The following KCNQ1 variants were observed in gnomAD, a reference collection of about 807,000 sequenced individuals.
The protein encoded by KCNQ1 is potassium voltage-gated channel subfamily Q member 1, also known as potassium voltage-gated channel subfamily KQT member 1.
In KCNQ1, 49 loss-of-function variants were observed where a neutral mutation model predicts 72.4. The observed-to-expected ratio is 0.68, with a 90% CI of 0.54 to 0.86. The LOEUF is 0.86. KCNQ1 is among the 40% of genes least tolerant of loss of function. The probability of loss-of-function intolerance (pLI) is 0.00; values close to 1 mark genes in which losing one functional copy is unlikely to be tolerated. For missense variants in KCNQ1, 790 were observed against 945.1 expected, an observed-to-expected ratio of 0.84 and a Z score of 2.15; for synonymous variants, 450 against 412.6, an observed-to-expected ratio of 1.09 and a Z score of -1.10.
rs1380111617 is a variant in KCNQ1 at position 2,479,668 on chromosome 11, G to A, written c.386+34184G>A. On this transcript the variant is annotated intron_variant, in intron 1 of 15. Transcript: ENST00000155840. This position sits in a 1 kb window ranked among gnomAD's most constrained non-coding sequence, Gnocchi z 4.6. ...CTGGGATGGGAGGGGCTGCTCCTAA[G>A]GTCTCTGACATGCCCTGGAGACATT... 6.6e-6 allele frequency among the ~76,000 whole-genome samples: 1 copy of A among 152,200 alleles called. No homozygotes were observed. The highest frequency in any genetic ancestry group is 1.5e-5 in the Non-Finnish European group (1 of 68,032).
chr11:2,664,250 G>C lies in KCNQ1; in HGVS notation c.1514+2169G>C, dbSNP rs764527977. On this transcript the variant is annotated intron_variant, in intron 11 of 15. Transcript: ENST00000155840. This position sits in a 1 kb window ranked among gnomAD's most constrained non-coding sequence, Gnocchi z 5.1. ...GGTGAGGGATCTGAAGAGGGGACTG[G>C]GAGAGGGAAAAACAAGGAGGTTGCT... is the stretch of plus-strand genomic sequence containing the variant. 7.8e-5 allele frequency: 31 copies of C among 398,960 alleles called. No homozygotes were observed. The highest frequency in any genetic ancestry group is 1.4e-4 in the Non-Finnish European group (31 of 226,430). 24.7% of individuals were successfully genotyped at this position (398,960 alleles called of 1,614,324 possible).
At chr11:2,467,019 T>C (rs1243534261) in intron 1 of KCNQ1, among the ~76,000 whole-genome samples, 1 of 152,070 alleles carries the variant, frequency 6.6e-6, no homozygotes, top group Non-Finnish European at 1.5e-5. Flanking sequence ...TGTGGGAGCC[T>C]GAGGGAGTGC....
At chr11:2,791,871 G>A (rs1847032447) in intron 15 of KCNQ1, among the ~76,000 whole-genome samples, 1 of 152,240 alleles carries the variant, frequency 6.6e-6, no homozygotes, top group Admixed American at 6.5e-5. Context: ...TTTGGACGGT[G>A]GCGTCCACAA....
rs1847880676 is a variant in KCNQ1 at position 2,544,723 on chromosome 11, G to C, written c.477+16705G>C. Among the ~76,000 whole-genome samples the C allele has an allele frequency of 6.6e-6, 1 of 152,092 alleles. No individual in the cohort carries two copies. The highest frequency in any genetic ancestry group is 6.5e-5 in the Admixed American group (1 of 15,280). ...GGCTTTTGAAAAAATGAATTCCATT[G>C]ATTTCCTTATATGAATGATGTTTTC... On this transcript the variant is annotated intron_variant, in intron 2 of 15. Coordinates refer to ENST00000155840, the MANE Select transcript of KCNQ1 (RefSeq NM_000218.3). This position sits in a 1 kb window ranked among gnomAD's most constrained non-coding sequence, Gnocchi z 4.4.
In KCNQ1 at chr11:2,561,704, G is replaced by A. The variant is rs540049697; in HGVS notation, c.478-8924G>A. On this transcript the variant is annotated intron_variant, in intron 2 of 15. Coordinates refer to ENST00000155840, the MANE Select transcript of KCNQ1 (RefSeq NM_000218.3). ...CGATCCTTTCTCTTGCTAATGTGTG[G>A]GACAAGGGGCTCTCAGGGGGCCTGG... Among the ~76,000 whole-genome samples the A allele has an allele frequency of 2.6e-5, 4 of 152,320 alleles. No individual in the cohort carries two copies. The South Asian group carries it at 8.3e-4, about 32-fold the overall frequency.
At chr11:2,587,489 G>C in intron 8 of KCNQ1, 81 bp from the exon 9 acceptor site, 1 of 1,595,658 alleles carries the variant, frequency 6.3e-7, no homozygotes, top group South Asian at 1.1e-5. Context: ...CTGGGGAACA[G>C]GGAGGGGGAG....
chr11:2,722,928 C>T (rs1358218801), intron 11 of KCNQ1, among the ~76,000 whole-genome samples: 1 of 152,178 alleles, frequency 6.6e-6, no homozygotes, highest in Non-Finnish European at 1.5e-5. Context: ...ATGTGTCACT[C>T]CCAGGACCAA....
At chr11:2,814,295 A>C (rs1200178568) in intron 15 of KCNQ1, among the ~76,000 whole-genome samples, 1 of 144,294 alleles carries the variant, frequency 6.9e-6, no homozygotes, top group Admixed American at 6.7e-5. Context: ...GGATGGATGG[A>C]TGGATGGATA....
At chr11:2,570,549 G>C in intron 2 of KCNQ1, 79 bp from the exon 3 acceptor site, 2 of 1,588,496 alleles carry the variant, frequency 1.3e-6, no homozygotes, top group Non-Finnish European at 1.7e-6. Context: ...CAGCATGGCT[G>C]GGTTCAAACA....
chr11:2,660,883 C>G (rs1346562746), intron 10 of KCNQ1: 1 of 398,602 alleles, frequency 2.5e-6, no homozygotes. Flanking sequence ...AATATGGCAT[C>G]ATAGTCTGAA....
At chr11:2,736,010 G>A (rs1845949828) in intron 11 of KCNQ1, among the ~76,000 whole-genome samples, 1 of 152,330 alleles carries the variant, frequency 6.6e-6, no homozygotes, top group Non-Finnish European at 1.5e-5. Flanking sequence ...TGTACAAAGG[G>A]ACAGAGAAGC....
rs879411107 is a variant in KCNQ1, at chr11:2,547,670, C to T, written c.477+19652C>T. On this transcript the variant is annotated intron_variant, in intron 2 of 15. Transcript: ENST00000155840. The surrounding 1 kb of genome is among the most constrained non-coding windows in gnomAD (Gnocchi z 4.2). Reference sequence around the variant, plus strand: ...CTTAACTTCTACTTAGTGCCTATACCACAAACAATAAGCTGACTCCATTTC... The same window carrying T: ...CTTAACTTCTACTTAGTGCCTATACTACAAACAATAAGCTGACTCCATTTC... Among the ~76,000 whole-genome samples, 1 of 152,148 alleles carries T rather than the reference C, an allele frequency of 6.6e-6. No individual in the cohort carries two copies. Among genetic ancestry groups the T allele is most frequent in the Admixed American group, 6.5e-5 (1 of 15,276 alleles).
At chr11:2,521,425 G>A in intron 1 of KCNQ1, 1 of 451,464 alleles carries the variant, frequency 2.2e-6, no homozygotes, top group Admixed American at 2.4e-5. Flanking sequence ...CATGCATGAT[G>A]CTTTCAGACT....
intron 1 of KCNQ1, among the ~76,000 whole-genome samples, chr11:2,472,925 C>G (rs1846511362): frequency 6.6e-6 from 1 of 151,982 alleles, no homozygotes; most frequent in African/African-American, 2.4e-5. Flanking sequence ...CCAGGGCCCC[C>G]CATCACCCCA....
chr11:2,453,034 A>C (rs1263795548), intron 1 of KCNQ1, among the ~76,000 whole-genome samples: 1 of 152,230 alleles, frequency 6.6e-6, no homozygotes, highest in Admixed American at 6.5e-5. Context: ...CTATGACTTG[A>C]ATGCTAGATG....
At chr11:2,577,117 C>T (rs142597608) in intron 6 of KCNQ1, among the ~76,000 whole-genome samples, 4 of 152,322 alleles carry the variant, frequency 2.6e-5, no homozygotes, top group East Asian at 1.9e-4. Context: ...TTCCCTGGAC[C>T]GAAAGGGCCT....
intron 14 of KCNQ1, among the ~76,000 whole-genome samples, chr11:2,777,260 G>A (rs1389717499): frequency 6.6e-6 from 1 of 152,054 alleles, no homozygotes; most frequent in Admixed American, 6.5e-5. Flanking sequence ...ACCTACCTGG[G>A]TCCCTTTAAA....
At chr11:2,554,969 C>T (rs558497206) in intron 2 of KCNQ1, among the ~76,000 whole-genome samples, 62 of 152,306 alleles carry the variant, frequency 4.1e-4, no homozygotes, top group African/African-American at 1.4e-3. Context: ...AGTCAGAAAA[C>T]AGACTAGACA....
intron 11 of KCNQ1, among the ~76,000 whole-genome samples, chr11:2,700,209 C>T (rs1156486844): frequency 6.6e-6 from 1 of 151,878 alleles, no homozygotes. Context: ...GGGTCCAGCG[C>T]CGCATGAGGC....
Sources: allele counts gnomAD v4.1 joint callset (sites outside exome capture counted in the v4.1 genomes callset), GRCh38; gene constraint gnomAD v4.1.1; non-coding constraint Gnocchi (gnomAD v3.1); transcripts MANE v1.5; gene names NCBI Gene and HGNC (gene_info 2026-07-23, HGNC 2026-07-21).